Variants in THSD7B observed in about 807,000 individuals in gnomAD.
THSD7B encodes thrombospondin type-1 domain-containing protein 7B.
Under a neutral mutation model 213.6 loss-of-function variants are expected in THSD7B, and 138 were observed. The observed-to-expected ratio is 0.65, with a 90% CI of 0.56 to 0.74. The LOEUF is 0.74. Ranked by LOEUF, THSD7B falls within the 30% of genes least tolerant of loss-of-function variation. The pLI, the probability that THSD7B is intolerant of heterozygous loss-of-function variation, is 0.00. For missense variants in THSD7B, 1,931 were observed against 1,991.5 expected, an observed-to-expected ratio of 0.97 and a Z score of 0.58; for synonymous variants, 742 against 687.0, an observed-to-expected ratio of 1.08 and a Z score of -1.25.
intron 6 of THSD7B, among the ~76,000 whole-genome samples, chr2:137,162,693 C>G (rs1323358180): frequency 6.6e-6 from 1 of 151,834 alleles, no homozygotes; most frequent in Non-Finnish European, 1.5e-5. Context: ...TTTTTCTTTC[C>G]TTTCTTTCCT....
rs986030567 is a variant in THSD7B, at chr2:137,676,078, T to A, written c.4740-446T>A. Among the ~76,000 whole-genome samples the A allele has an allele frequency of 8.4e-4, 128 of 152,320 alleles. 3 individuals carry two copies. The highest frequency in any genetic ancestry group is 3.4e-3 in the Middle Eastern group (1 of 294). ...AATTGGTTAAATTTTCCTGACACAC[T>A]CTGGCATCTTGGCAGCTAAATGTCA... On this transcript the variant is annotated intron_variant, in intron 27 of 27. Transcript: ENST00000409968.
At chr2:137,165,737 C>G (rs1460787394) in intron 6 of THSD7B, among the ~76,000 whole-genome samples, 1 of 147,330 alleles carries the variant, frequency 6.8e-6, no homozygotes, top group Non-Finnish European at 1.5e-5. Flanking sequence ...TTATACTTTC[C>G]TAGATATTTC....
chr2:137,566,912 A>G (rs1185389615), intron 16 of THSD7B, among the ~76,000 whole-genome samples: 1 of 152,182 alleles, frequency 6.6e-6, no homozygotes, highest in African/African-American at 2.4e-5. Flanking sequence ...ATATTTGAGC[A>G]CAAACCTAAA....
intron 14 of THSD7B, among the ~76,000 whole-genome samples, chr2:137,417,738 C>T (rs949039089): frequency 2.6e-5 from 4 of 152,100 alleles, no homozygotes; most frequent in Non-Finnish European, 5.9e-5. Context: ...TGACCTAAGA[C>T]AGCATTTTAT....
intron 10 of THSD7B, among the ~76,000 whole-genome samples, chr2:137,258,747 A>G (rs944374612): frequency 2.0e-5 from 3 of 150,358 alleles, no homozygotes; most frequent in Non-Finnish European, 4.4e-5. Context: ...TACATATGCC[A>G]TGGTGATTTG....
chr2:137,370,593 C>T (rs1049458530), intron 12 of THSD7B, among the ~76,000 whole-genome samples: 5 of 152,048 alleles, frequency 3.3e-5, no homozygotes, highest in African/African-American at 4.8e-5. Flanking sequence ...CTCAGCCTCC[C>T]GAGTAACTGG....
intron 9 of THSD7B, among the ~76,000 whole-genome samples, chr2:137,234,196 G>A (rs1681709319): frequency 6.6e-6 from 1 of 152,218 alleles, no homozygotes; most frequent in East Asian, 1.9e-4. Flanking sequence ...TGGCAGCACT[G>A]AACCGTGGTC....
intron 1 of THSD7B, among the ~76,000 whole-genome samples, chr2:136,777,568 T>C (rs890807479): frequency 2.0e-5 from 3 of 152,170 alleles, no homozygotes; most frequent in African/African-American, 7.2e-5. Context: ...AATCTTAGTA[T>C]ATGAGAGGAG....
intron 5 of THSD7B, among the ~76,000 whole-genome samples, chr2:137,133,882 A>C (rs570247254): frequency 1.4e-4 from 21 of 152,288 alleles, no homozygotes; most frequent in African/African-American, 4.6e-4. Flanking sequence ...AGTGCATCTC[A>C]TATTGGATCA....
At chr2:137,132,935 C>T (rs1688768615) in intron 5 of THSD7B, among the ~76,000 whole-genome samples, 1 of 152,134 alleles carries the variant, frequency 6.6e-6, no homozygotes, top group Non-Finnish European at 1.5e-5. Flanking sequence ...AAGACAGCCA[C>T]ACTGTACTTT....
chr2:136,890,291 C>A, intron 2 of THSD7B, among the ~76,000 whole-genome samples: 1 of 12,432 alleles, frequency 8.0e-5, no homozygotes. Context: ...TCATTCATGT[C>A]CATGTCCTAC....
chr2:137,313,448 G>C (rs1278761898), intron 12 of THSD7B, among the ~76,000 whole-genome samples: 1 of 151,344 alleles, frequency 6.6e-6, no homozygotes, highest in East Asian at 1.9e-4. Context: ...TGATGGTCTT[G>C]ACTCTTTATC....
At chr2:137,071,414 TTC>T (rs1687486127) in intron 3 of THSD7B, among the ~76,000 whole-genome samples, 1 of 152,218 alleles carries the variant, frequency 6.6e-6, no homozygotes, top group African/African-American at 2.4e-5. Context: ...GTTTGTTTTT[TTC>T]TTGTAAATTT....
chr2:137,202,336 T>C (rs1328314876), intron 7 of THSD7B, among the ~76,000 whole-genome samples: 4 of 152,124 alleles, frequency 2.6e-5, no homozygotes, highest in Admixed American at 1.3e-4. Context: ...GGTAATGAGA[T>C]AATCCTGGAT....
chr2:137,445,018 C>T (rs564654320), intron 14 of THSD7B, among the ~76,000 whole-genome samples: 1 of 152,052 alleles, frequency 6.6e-6, no homozygotes, highest in African/African-American at 2.4e-5. Context: ...ATGCTCACCA[C>T]TAATCATCAG....
intron 15 of THSD7B, among the ~76,000 whole-genome samples, chr2:137,453,743 G>T (rs916317786): frequency 6.6e-6 from 1 of 152,000 alleles, no homozygotes; most frequent in African/African-American, 2.4e-5. Context: ...CTGAGATTTT[G>T]TGCCCTTTGA....
chr2:137,210,815 T>TTA (rs1681086972), intron 7 of THSD7B, among the ~76,000 whole-genome samples: 1 of 133,434 alleles, frequency 7.5e-6, no homozygotes, highest in Non-Finnish European at 1.6e-5. Context: ...TAGTTAAAGT[T>TTA]AAAAAAAAGT....
intron 1 of THSD7B, among the ~76,000 whole-genome samples, chr2:136,828,709 A>T (rs1050279512): frequency 6.6e-6 from 1 of 152,200 alleles, no homozygotes; most frequent in Non-Finnish European, 1.5e-5. Context: ...TGCACATGCT[A>T]TACTCAGACT....
intron 1 of THSD7B, among the ~76,000 whole-genome samples, chr2:136,869,285 C>G (rs1683392363): frequency 6.6e-6 from 1 of 152,170 alleles, no homozygotes; most frequent in Admixed American, 6.5e-5. Flanking sequence ...ACAGATAATT[C>G]AGAGACTCAA....
Sources: allele counts gnomAD v4.1 joint callset (sites outside exome capture counted in the v4.1 genomes callset), GRCh38; gene constraint gnomAD v4.1.1; transcripts MANE v1.5; gene names NCBI Gene and HGNC (gene_info 2026-07-23, HGNC 2026-07-21).